The following IGF2BP2 variants were observed in gnomAD, a reference collection of about 807,000 sequenced individuals.
IGF2BP2 encodes the protein insulin like growth factor 2 mRNA binding protein 2, also known as insulin-like growth factor 2 mRNA-binding protein 2.
In IGF2BP2, 17 loss-of-function variants were observed where a neutral mutation model predicts 75.8. The ratio of observed to expected loss-of-function variants is 0.22; its 90% CI spans 0.15 to 0.34. The LOEUF (loss-of-function observed/expected upper bound fraction) is 0.34, where lower values mean the gene tolerates loss of function less well. Ranked by LOEUF, IGF2BP2 falls within the 10% of genes least tolerant of loss-of-function variation. The pLI, the probability that IGF2BP2 is intolerant of heterozygous loss-of-function variation, is 1.00. For synonymous variants in IGF2BP2, 288 were observed against 295.6 expected (o/e 0.97, Z 0.26); for missense variants, 516 against 772.4 (o/e 0.67, Z 3.93).
At chr3:185,668,264 A>G (rs1717953450) in intron 10 of IGF2BP2, among the ~76,000 whole-genome samples, 1 of 152,144 alleles carries the variant, frequency 6.6e-6, no homozygotes. Flanking sequence ...TTATAGAAAG[A>G]TGCCCATAAT....
chr3:185,672,485 C>T (rs780275329), intron 10 of IGF2BP2, 56 bp downstream of exon 10: 16 of 1,566,362 alleles, frequency 1.0e-5, no homozygotes, highest in Admixed American at 1.8e-5. Context: ...CAGAGGCATG[C>T]TGCTGCCTGG....
chr3:185,696,935 G>A (rs1337010044), intron 3 of IGF2BP2, among the ~76,000 whole-genome samples: 5 of 152,094 alleles, frequency 3.3e-5, no homozygotes, highest in Non-Finnish European at 5.9e-5. Flanking sequence ...AATCACATTC[G>A]TCATGATGGT....
At chr3:185,824,347 G>A (rs1399732337) in intron 1 of IGF2BP2, among the ~76,000 whole-genome samples, 1 of 151,396 alleles carries the variant, frequency 6.6e-6, no homozygotes, top group Non-Finnish European at 1.5e-5. Context: ...AGGTCCGGCC[G>A]GGGGAGGAGG....
At chr3:185,803,485 CAA>C (rs1738559604) in intron 2 of IGF2BP2, among the ~76,000 whole-genome samples, 1 of 152,132 alleles carries the variant, frequency 6.6e-6, no homozygotes, top group African/African-American at 2.4e-5. Flanking sequence ...GTATTCTGAT[CAA>C]AGTTATTTTC....
chr3:185,783,854 A>C (rs575446246), intron 2 of IGF2BP2, among the ~76,000 whole-genome samples: 2 of 152,356 alleles, frequency 1.3e-5, no homozygotes, highest in East Asian at 3.9e-4. Flanking sequence ...GCAAACATAT[A>C]GTAGAGTACC....
At chr3:185,761,975 C>T (rs975210035) in intron 2 of IGF2BP2, among the ~76,000 whole-genome samples, 4 of 152,190 alleles carry the variant, frequency 2.6e-5, no homozygotes, top group African/African-American at 9.7e-5. Flanking sequence ...ATGTGATAAA[C>T]TGCTGTAGAT....
intron 2 of IGF2BP2, among the ~76,000 whole-genome samples, chr3:185,739,338 T>C (rs1458509647): frequency 1.3e-5 from 2 of 152,148 alleles, no homozygotes; most frequent in Non-Finnish European, 2.9e-5. Flanking sequence ...GAAAAACACA[T>C]ACAAAGGGGC....
intron 2 of IGF2BP2, among the ~76,000 whole-genome samples, chr3:185,745,214 C>T (rs1190209469): frequency 1.3e-5 from 2 of 152,178 alleles, no homozygotes; most frequent in Non-Finnish European, 2.9e-5. Context: ...CCCATGAACT[C>T]TCTGCAATCC....
intron 2 of IGF2BP2, among the ~76,000 whole-genome samples, chr3:185,740,294 T>C (rs1729377439): frequency 6.6e-6 from 1 of 152,224 alleles, no homozygotes; most frequent in Admixed American, 6.5e-5. Flanking sequence ...AATAAAACAC[T>C]AAACCATTCA....
At chr3:185,695,386 T>C (rs569044557) in intron 4 of IGF2BP2, among the ~76,000 whole-genome samples, 2 of 152,288 alleles carry the variant, frequency 1.3e-5, no homozygotes, top group African/African-American at 4.8e-5. Flanking sequence ...CAGGTTCTCT[T>C]TGGGTAACAC....
chr3:185,812,266 C>T (rs1240422837), intron 2 of IGF2BP2, among the ~76,000 whole-genome samples: 1 of 152,140 alleles, frequency 6.6e-6, no homozygotes, highest in Admixed American at 6.5e-5. Context: ...AACTTGTTTT[C>T]GATGAATGAA....
intron 2 of IGF2BP2, among the ~76,000 whole-genome samples, chr3:185,751,463 AG>A (rs1170203206): frequency 6.6e-6 from 1 of 150,958 alleles, no homozygotes; most frequent in Non-Finnish European, 1.5e-5. Context: ...CTGTAATTCC[AG>A]GTACTCAGGA....
At chr3:185,796,210 T>A (rs1325538925) in intron 2 of IGF2BP2, among the ~76,000 whole-genome samples, 1 of 152,148 alleles carries the variant, frequency 6.6e-6, no homozygotes, top group African/African-American at 2.4e-5. Context: ...TAGATCCAGT[T>A]TGCATATTAG....
chr3:185,661,691 A>AC (rs903033275), intron 10 of IGF2BP2, among the ~76,000 whole-genome samples: 1 of 151,292 alleles, frequency 6.6e-6, no homozygotes, highest in African/African-American at 2.4e-5. Flanking sequence ...GGAGGCATTG[A>AC]CCCGGGTCCC....
At chr3:185,712,390 A>G (rs1023051293) in intron 2 of IGF2BP2, 1 of 152,184 alleles carries the variant, frequency 6.6e-6, no homozygotes, top group Non-Finnish European at 1.5e-5. Flanking sequence ...TTTTAAATAT[A>G]TTCCCTAGAT....
chr3:185,692,718 T>C lies in IGF2BP2; in HGVS notation c.385A>G (p.Thr129Ala). The change falls in exon 5 of 16, where the codon ACA becomes GCA. Residue 129 changes from threonine (T) to alanine (A), a missense_variant. Thr to Ala is a moderately conservative substitution (Grantham distance 58, BLOSUM62 0). Transcript: ENST00000382199. ...ETAVVNVTYA[T>A]REEAKIAMEK... ...GCTTACATTTTTGCTTCTTCTCTTG[T>C]TGCATATGTGACGTTGACAACGGCG... The C allele has an allele frequency of 2.5e-6, 4 of 1,613,894 alleles. No homozygotes were observed. Among genetic ancestry groups the C allele is most frequent in the Admixed American group, 3.3e-5 (2 of 60,004 alleles).
intron 2 of IGF2BP2, among the ~76,000 whole-genome samples, chr3:185,734,550 G>A (rs181191815): frequency 1.5e-3 from 227 of 152,296 alleles, no homozygotes; most frequent in African/African-American, 5.2e-3. Context: ...TGTTAAAAAC[G>A]AGTGAAAGCT....
intron 2 of IGF2BP2, among the ~76,000 whole-genome samples, chr3:185,744,289 G>C (rs931163998): frequency 6.6e-6 from 1 of 152,062 alleles, no homozygotes; most frequent in Non-Finnish European, 1.5e-5. Flanking sequence ...GCTTTTATGT[G>C]ATTGATCTGG....
chr3:185,689,217 T>C, intron 6 of IGF2BP2, 138 bp downstream of exon 6: 1 of 837,052 alleles, frequency 1.2e-6, no homozygotes, highest in Non-Finnish European at 1.9e-6. Context: ...TTAGTAGTCC[T>C]GTTGAAAGAA....
Sources: allele counts gnomAD v4.1 joint callset (sites outside exome capture counted in the v4.1 genomes callset), GRCh38; gene constraint gnomAD v4.1.1; transcripts MANE v1.5; gene names NCBI Gene and HGNC (gene_info 2026-07-23, HGNC 2026-07-21).